SMYD3: variants seen among roughly 807,000 people sequenced by gnomAD.
SMYD3 encodes the protein SET and MYND domain containing 3.
SMYD3 carries 36 observed loss-of-function variants against 57.7 expected under a neutral mutation model. The ratio of observed to expected loss-of-function variants is 0.62; its 90% CI spans 0.48 to 0.82. SMYD3 has a LOEUF of 0.82. SMYD3 is among the 40% of genes least tolerant of loss of function. The pLI is 0.00. For synonymous variants in SMYD3, 211 were observed against 195.0 expected (o/e 1.08, Z -0.68); for missense variants, 515 against 538.8 (o/e 0.96, Z 0.44).
chr1:246,441,471 C>G (rs1176385281), intron 1 of SMYD3, among the ~76,000 whole-genome samples: 1 of 152,202 alleles, frequency 6.6e-6, no homozygotes, highest in Non-Finnish European at 1.5e-5. Flanking sequence ...ACTGCCAGGT[C>G]ACTCCTTTTC....
chr1:245,986,135 ATAAC>A (rs1420392058), intron 5 of SMYD3, among the ~76,000 whole-genome samples: 4 of 152,210 alleles, frequency 2.6e-5, no homozygotes, highest in African/African-American at 7.2e-5. Context: ...AGAATTTTAG[ATAAC>A]TAACATCACA....
In SMYD3 at chr1:246,126,930, A is replaced by G. The variant is rs558518592; in HGVS notation, c.532-196993T>C. ...ATTTATGTGTAGAGGCAGTTATATT[A>G]TTAATACATTTCATTTCAGAAATGA... On this transcript the variant is annotated intron_variant, in intron 5 of 11. Coordinates refer to ENST00000490107, the MANE Select transcript of SMYD3 (RefSeq NM_001167740.2). Among the ~76,000 whole-genome samples the G allele has an allele frequency of 2.6e-5, 4 of 152,248 alleles. No homozygotes were observed. In the East Asian group the frequency reaches 7.7e-4, roughly 29 times the overall value.
chr1:246,494,204 T>G (rs956698746), intron 1 of SMYD3, among the ~76,000 whole-genome samples: 1 of 152,250 alleles, frequency 6.6e-6, no homozygotes, highest in East Asian at 1.9e-4. Context: ...CAAGGCCTTC[T>G]GTATCACAGA....
At chr1:246,405,390 T>C (rs1018684030) in intron 1 of SMYD3, among the ~76,000 whole-genome samples, 4 of 152,080 alleles carry the variant, frequency 2.6e-5, no homozygotes, top group South Asian at 2.1e-4. Flanking sequence ...TACTGGAAAA[T>C]ATACAATACG....
chr1:246,204,712 T>C (rs2062971908), intron 5 of SMYD3, among the ~76,000 whole-genome samples: 2 of 152,220 alleles, frequency 1.3e-5, no homozygotes, highest in Admixed American at 6.5e-5. Flanking sequence ...CAAATGCTGA[T>C]ATCATTCTGT....
At chr1:246,424,162 C>G (rs983315687) in intron 1 of SMYD3, among the ~76,000 whole-genome samples, 2 of 151,734 alleles carry the variant, frequency 1.3e-5, no homozygotes, top group Non-Finnish European at 2.9e-5. Context: ...ATAACACGTA[C>G]AAGTAAAATG....
intron 5 of SMYD3, among the ~76,000 whole-genome samples, chr1:246,320,243 A>T (rs2065224252): frequency 6.6e-6 from 1 of 152,140 alleles, no homozygotes; most frequent in African/African-American, 2.4e-5. Flanking sequence ...TAAAATACTC[A>T]CTTTCCAATC....
At chr1:246,081,548 T>A (rs1287347035) in intron 5 of SMYD3, among the ~76,000 whole-genome samples, 1 of 152,132 alleles carries the variant, frequency 6.6e-6, no homozygotes, top group Admixed American at 6.5e-5. Flanking sequence ...CTGCACCATG[T>A]CACCTGGCTA....
chr1:246,292,296 C>A (rs1003004240), intron 5 of SMYD3, among the ~76,000 whole-genome samples: 2 of 152,012 alleles, frequency 1.3e-5, no homozygotes, highest in African/African-American at 4.8e-5. Context: ...CTTAGACTTA[C>A]TATCCAACAC....
At chr1:245,945,795 G>A (rs1001315027) in intron 5 of SMYD3, among the ~76,000 whole-genome samples, 11 of 152,082 alleles carry the variant, frequency 7.2e-5, no homozygotes, top group Admixed American at 3.3e-4. Flanking sequence ...AAAGGAACAC[G>A]ATCATGTTCT....
intron 9 of SMYD3, among the ~76,000 whole-genome samples, chr1:245,862,189 T>C (rs1465845339): frequency 1.3e-5 from 2 of 152,222 alleles, no homozygotes. Flanking sequence ...TTTGTTTTTC[T>C]ATATCCTTTT....
intron 5 of SMYD3, among the ~76,000 whole-genome samples, chr1:246,017,241 C>T (rs560052807): frequency 6.6e-5 from 10 of 152,190 alleles, no homozygotes; most frequent in African/African-American, 2.4e-4. Context: ...TTTTTCTTAG[C>T]TATTTGAAAG....
chr1:246,245,060 G>T (rs2063677281), intron 5 of SMYD3, among the ~76,000 whole-genome samples: 1 of 150,062 alleles, frequency 6.7e-6, no homozygotes, highest in Non-Finnish European at 1.5e-5. Context: ...TTCCACTACG[G>T]CTAAATAGAC....
intron 5 of SMYD3, among the ~76,000 whole-genome samples, chr1:246,296,508 T>C (rs1457368117): frequency 6.6e-6 from 1 of 152,160 alleles, no homozygotes; most frequent in Non-Finnish European, 1.5e-5. Flanking sequence ...CAGATTTATA[T>C]ATAAATAACA....
At chr1:246,222,724 A>G (rs2063275903) in intron 5 of SMYD3, among the ~76,000 whole-genome samples, 1 of 152,178 alleles carries the variant, frequency 6.6e-6, no homozygotes, top group African/African-American at 2.4e-5. Context: ...CTAAAACATT[A>G]ATATAAACTG....
chr1:246,243,069 C>T (rs1326522388), intron 5 of SMYD3, among the ~76,000 whole-genome samples: 1 of 152,096 alleles, frequency 6.6e-6, no homozygotes, highest in Admixed American at 6.6e-5. Flanking sequence ...ACAAACATAT[C>T]CAGGACTTGA....
intron 1 of SMYD3, among the ~76,000 whole-genome samples, chr1:246,451,301 G>A (rs1323279436): frequency 6.6e-6 from 1 of 152,126 alleles, no homozygotes. Context: ...ATATTATTCT[G>A]CACTAAAAAT....
In SMYD3 at chr1:245,930,138, G is replaced by T; in HGVS notation, c.532-201C>A. 5 of 576,860 alleles carry T rather than the reference G, an allele frequency of 8.7e-6. No individual in the cohort carries two copies. In the East Asian group the frequency reaches 1.1e-4, roughly 13 times the overall value. The allele number at this position is 576,860 out of a possible 1,614,324, so 35.7% of individuals were successfully genotyped here. On this transcript the variant is annotated intron_variant, in intron 5 of 11. Coordinates refer to ENST00000490107, the MANE Select transcript of SMYD3 (RefSeq NM_001167740.2). ...CCCCCTAAAAACATCAGGTGGTTAA[G>T]TGCAGAAATACCAACCTCCTGGGAG...
At chr1:246,318,206 G>C (rs1196891916) in intron 5 of SMYD3, among the ~76,000 whole-genome samples, 2 of 152,086 alleles carry the variant, frequency 1.3e-5, no homozygotes. Flanking sequence ...AACATAGCAA[G>C]ACCTTGTCTC....
Sources: gnomAD v4.1 joint callset for allele counts (sites outside exome capture counted in the v4.1 genomes callset) on GRCh38, gnomAD v4.1.1 for gene constraint, MANE v1.5 for transcripts, NCBI Gene and HGNC (gene_info 2026-07-23, HGNC 2026-07-21) for gene names.